KIAA0825: variants seen among roughly 807,000 people sequenced by gnomAD.
KIAA0825 encodes uncharacterized protein KIAA0825.
Under a neutral mutation model 147.6 loss-of-function variants are expected in KIAA0825, and 119 were observed. The ratio of observed to expected loss-of-function variants is 0.81; its 90% CI spans 0.69 to 0.94. The LOEUF (loss-of-function observed/expected upper bound fraction) is 0.94. KIAA0825 is among the 40% of genes least tolerant of loss of function. The pLI is 0.00. For synonymous variants in KIAA0825, 470 were observed against 518.1 expected, an observed-to-expected ratio of 0.91 and a Z score of 1.26; for missense variants, 1,381 against 1,472.7, an observed-to-expected ratio of 0.94 and a Z score of 1.02.
chr5:94,398,856 A>C (rs1751012125), intron 16 of KIAA0825, among the ~76,000 whole-genome samples: 1 of 152,184 alleles, frequency 6.6e-6, no homozygotes, highest in African/African-American at 2.4e-5. Flanking sequence ...AACAAAAATA[A>C]CAGAACAATG....
rs118035378 is a variant in KIAA0825, at chr5:94,573,918, T to G, written c.-2+8515A>C. Among the ~76,000 whole-genome samples, 21 of 152,316 alleles carry G rather than the reference T, an allele frequency of 1.4e-4. 1 individual carries two copies. The East Asian group carries it at 3.7e-3, about 27-fold the overall frequency. ...ATAAGAATTTCTGGTTTGTAGGGCA[T>G]GACTCCCCAGACCTCTTAGAAATTT... On this transcript the variant is annotated intron_variant, in intron 2 of 20. Transcript: ENST00000682413.
chr5:94,477,322 A>G, intron 6 of KIAA0825, 117 bp from the exon 7 acceptor site: 2 of 557,826 alleles, frequency 3.6e-6, no homozygotes, highest in East Asian at 2.8e-5. Flanking sequence ...TCCACAGTAC[A>G]TACATACATA....
intron 20 of KIAA0825, among the ~76,000 whole-genome samples, chr5:94,339,050 T>C (rs1199456284): frequency 1.3e-5 from 2 of 152,184 alleles, no homozygotes; most frequent in African/African-American, 4.8e-5. Context: ...ACATATTTCT[T>C]TCTTCTTCCT....
chr5:94,421,179 T>C (rs1030287173), intron 14 of KIAA0825, among the ~76,000 whole-genome samples: 4 of 152,202 alleles, frequency 2.6e-5, no homozygotes, highest in Non-Finnish European at 5.9e-5. Flanking sequence ...TCAACTCTTC[T>C]CTTGGAGCAC....
At chr5:94,466,355 A>T (rs1760495488) in intron 10 of KIAA0825, among the ~76,000 whole-genome samples, 1 of 152,210 alleles carries the variant, frequency 6.6e-6, no homozygotes, top group African/African-American at 2.4e-5. Context: ...CTTGGGCATC[A>T]AAATGTCAGA....
intron 2 of KIAA0825, among the ~76,000 whole-genome samples, chr5:94,565,818 T>C (rs1168452653): frequency 2.0e-5 from 3 of 152,242 alleles, no homozygotes; most frequent in African/African-American, 7.2e-5. Context: ...GACATAGGTA[T>C]ACAGTGTGGA....
At chr5:94,220,299 A>G (rs1773568266) in intron 20 of KIAA0825, among the ~76,000 whole-genome samples, 1 of 152,140 alleles carries the variant, frequency 6.6e-6, no homozygotes, top group African/African-American at 2.4e-5. Context: ...GTCATCTCTC[A>G]TGACAATTCT....
At chr5:94,506,771 T>C (rs1451329087) in intron 5 of KIAA0825, among the ~76,000 whole-genome samples, 1 of 152,220 alleles carries the variant, frequency 6.6e-6, no homozygotes, top group African/African-American at 2.4e-5. Context: ...ATTAATAAAG[T>C]AGGTTCTCTA....
At chr5:94,532,637 C>T (rs1427914283) in intron 3 of KIAA0825, among the ~76,000 whole-genome samples, 3 of 151,878 alleles carry the variant, frequency 2.0e-5, no homozygotes. Flanking sequence ...AGCAATCCTC[C>T]CACCTCAGCC....
At position 94,613,391 on chromosome 5, in the gene KIAA0825, G is replaced by C. The variant is rs540641375; in HGVS notation, c.-153+5109C>G. Among the ~76,000 whole-genome samples the C allele has an allele frequency of 1.3e-5, 2 of 152,180 alleles. 1 individual carries two copies. On this transcript the variant is annotated intron_variant, in intron 1 of 20. Coordinates refer to ENST00000682413, the MANE Select transcript of KIAA0825 (RefSeq NM_001145678.3). Reference sequence around the variant, plus strand: ...TTTGTATTTTTTTGGTAGAGATGGGGTTTTACCATGTAGGTCAGGCTGGTC... The same window carrying C: ...TTTGTATTTTTTTGGTAGAGATGGGCTTTTACCATGTAGGTCAGGCTGGTC...
chr5:94,611,374 T>C (rs1344250851), intron 1 of KIAA0825, among the ~76,000 whole-genome samples: 4 of 152,038 alleles, frequency 2.6e-5, no homozygotes, highest in Non-Finnish European at 5.9e-5. Context: ...AAATACATTT[T>C]ATATCCCCAA....
At chr5:94,504,237 A>AATT (rs1333615699) in intron 5 of KIAA0825, among the ~76,000 whole-genome samples, 4 of 152,196 alleles carry the variant, frequency 2.6e-5, no homozygotes, top group African/African-American at 9.7e-5. Flanking sequence ...TCTTAGCCTT[A>AATT]TACTAAATTA....
intron 20 of KIAA0825, among the ~76,000 whole-genome samples, chr5:94,238,467 C>T (rs1029821244): frequency 2.0e-5 from 3 of 152,024 alleles, no homozygotes. Context: ...TTGAAAAGTG[C>T]CCAAGGAAGT....
intron 5 of KIAA0825, among the ~76,000 whole-genome samples, chr5:94,495,679 A>G (rs1764272324): frequency 6.6e-6 from 1 of 152,216 alleles, no homozygotes; most frequent in African/African-American, 2.4e-5. Context: ...TTCAGGCAAA[A>G]AGAAAGACAT....
intron 2 of KIAA0825, chr5:94,569,769 G>T: frequency 8.1e-6 from 2 of 246,846 alleles, no homozygotes; most frequent in South Asian, 3.3e-4. Flanking sequence ...AACCATGGCT[G>T]AATCATCCGC....
chr5:94,318,823 C>T (rs1779897710), intron 20 of KIAA0825, among the ~76,000 whole-genome samples: 1 of 151,858 alleles, frequency 6.6e-6, no homozygotes, highest in Non-Finnish European at 1.5e-5. Context: ...GGAAGTAGGA[C>T]AGGACCAGGA....
chr5:94,369,151 T>A (rs1746298419), intron 20 of KIAA0825, among the ~76,000 whole-genome samples: 1 of 151,868 alleles, frequency 6.6e-6, no homozygotes, highest in South Asian at 2.1e-4. Flanking sequence ...GAGTGAGACC[T>A]AGACAAATAA....
intron 14 of KIAA0825, among the ~76,000 whole-genome samples, chr5:94,422,318 ATG>A (rs1450351902): frequency 6.6e-6 from 1 of 152,174 alleles, no homozygotes; most frequent in Non-Finnish European, 1.5e-5. Flanking sequence ...ACAGAGAAGA[ATG>A]TGAGTAATCA....
intron 5 of KIAA0825, among the ~76,000 whole-genome samples, chr5:94,514,295 G>A (rs985827830): frequency 1.8e-4 from 28 of 152,002 alleles, no homozygotes; most frequent in Admixed American, 1.3e-3. Context: ...TAAAATTAAT[G>A]GTAATATTTT....
Sources: gnomAD v4.1 joint callset for allele counts (sites outside exome capture counted in the v4.1 genomes callset) on GRCh38, gnomAD v4.1.1 for gene constraint, MANE v1.5 for transcripts, NCBI Gene and HGNC (gene_info 2026-07-23, HGNC 2026-07-21) for gene names.